The following CDH12 variants were observed in gnomAD, a reference collection of about 807,000 sequenced individuals.
CDH12 encodes cadherin-12.
Under a neutral mutation model 74.1 loss-of-function variants are expected in CDH12, and 41 were observed. That is an observed-to-expected ratio of 0.55 (90% CI 0.43 to 0.72). The LOEUF (loss-of-function observed/expected upper bound fraction) is 0.72, where lower values mean the gene tolerates loss of function less well. Among genes scored for constraint, CDH12 ranks in the 30% least tolerant of loss-of-function variants. The pLI, the probability that CDH12 is intolerant of heterozygous loss-of-function variation, is 0.00. For missense variants in CDH12, 945 were observed against 977.2 expected (o/e 0.97, Z 0.44); for synonymous variants, 399 against 355.0 (o/e 1.12, Z -1.39).
intron 1 of CDH12, among the ~76,000 whole-genome samples, chr5:22,841,428 G>C (rs915299372): frequency 6.6e-6 from 1 of 152,136 alleles, no homozygotes; most frequent in Non-Finnish European, 1.5e-5. Flanking sequence ...CATTTTGGAC[G>C]TGTGAATTTG....
chr5:22,283,369 A>G (rs1266536713), intron 3 of CDH12, among the ~76,000 whole-genome samples: 1 of 150,684 alleles, frequency 6.6e-6, no homozygotes, highest in Non-Finnish European at 1.5e-5. Flanking sequence ...TATCACATTT[A>G]TATATAGTGA....
At chr5:21,826,658 T>A (rs1323668329) in intron 8 of CDH12, among the ~76,000 whole-genome samples, 1 of 152,150 alleles carries the variant, frequency 6.6e-6, no homozygotes, top group East Asian at 1.9e-4. Context: ...GCGGGGAAAT[T>A]ACCCTTTTAG....
At chr5:22,415,165 G>C (rs2126481725) in intron 2 of CDH12, among the ~76,000 whole-genome samples, 1 of 152,028 alleles carries the variant, frequency 6.6e-6, no homozygotes, top group Non-Finnish European at 1.5e-5. Context: ...AGCTCAGGTA[G>C]TATTTTTAAA....
intron 3 of CDH12, among the ~76,000 whole-genome samples, chr5:22,337,133 T>C (rs1739620927): frequency 6.6e-6 from 1 of 152,216 alleles, no homozygotes; most frequent in Non-Finnish European, 1.5e-5. Context: ...GTAGCCCCTT[T>C]GTTTTGGCCA....
intron 4 of CDH12, among the ~76,000 whole-genome samples, chr5:22,210,834 A>T (rs1217225732): frequency 1.7e-5 from 2 of 114,542 alleles, no homozygotes; most frequent in Admixed American, 8.5e-5. Flanking sequence ...CAAGTTGCTT[A>T]AAAAAAAAAA....
chr5:22,117,502 AT>A lies in CDH12; in HGVS notation c.-186-38641del. The stretch of plus-strand genomic sequence containing the variant: ...ATTATATATATATTATATATATATA[AT>A]ATATATATAATATATATATAATATA... On this transcript the variant is annotated intron_variant, in intron 4 of 14. Coordinates refer to ENST00000382254, the MANE Select transcript of CDH12 (RefSeq NM_004061.5). 4.4e-5 allele frequency among the ~76,000 whole-genome samples: 2 copies of A among 45,688 alleles called. 1 individual carries two copies. Among genetic ancestry groups the A allele is most frequent in the African/African-American group, 1.9e-4 (2 of 10,610 alleles). The allele number at this position is 45,688 out of a possible 152,430, so 30.0% of individuals were successfully genotyped here. A position where few individuals can be genotyped will look rare whatever the true frequency, so the allele number is the denominator to read the frequency against.
At chr5:22,546,101 C>T (rs775271823) in intron 1 of CDH12, among the ~76,000 whole-genome samples, 7 of 152,030 alleles carry the variant, frequency 4.6e-5, no homozygotes, top group Admixed American at 1.3e-4. Flanking sequence ...CCCACCACCA[C>T]GCCTGGCTTA....
At chr5:22,140,217 AG>A (rs1166004491) in intron 4 of CDH12, among the ~76,000 whole-genome samples, 1 of 152,098 alleles carries the variant, frequency 6.6e-6, no homozygotes, top group Non-Finnish European at 1.5e-5. Flanking sequence ...CCTTTCTCCA[AG>A]GTATACCTAA....
At position 22,483,748 on chromosome 5, in the gene CDH12, C is replaced by CTATA. The variant is rs573933210; in HGVS notation, c.-428+21518_-428+21521dup. Among the ~76,000 whole-genome samples, 81 of 22,786 alleles carry CTATA rather than the reference C, an allele frequency of 3.6e-3. 25 individuals carry two copies. The highest frequency in any genetic ancestry group is 5.5e-3 in the East Asian group (7 of 1,284). 14.9% of individuals were successfully genotyped at this position (22,786 alleles called of 152,430 possible). ...TAGCAAGGACCTGTCTCTTTCAAAACTATATATATATATATAAATTTAATT... is the reference window on the plus strand; with the variant it reads ...TAGCAAGGACCTGTCTCTTTCAAAACTATATATATATATATATATAAATTTAATT... On this transcript the variant is annotated intron_variant, in intron 2 of 14. Coordinates refer to ENST00000382254, the MANE Select transcript of CDH12 (RefSeq NM_004061.5).
chr5:22,738,152 C>T (rs1009482081), intron 1 of CDH12, among the ~76,000 whole-genome samples: 1 of 151,872 alleles, frequency 6.6e-6, no homozygotes, highest in Non-Finnish European at 1.5e-5. Context: ...GGGGCCACAG[C>T]AAGGATCTTG....
At chr5:22,720,368 T>C (rs1743817423) in intron 1 of CDH12, among the ~76,000 whole-genome samples, 1 of 152,210 alleles carries the variant, frequency 6.6e-6, no homozygotes, top group Admixed American at 6.5e-5. Context: ...GCCATGATTG[T>C]AAGTTTCCTG....
intron 1 of CDH12, among the ~76,000 whole-genome samples, chr5:22,850,512 T>A (rs1483180593): frequency 6.6e-6 from 1 of 152,090 alleles, no homozygotes; most frequent in Non-Finnish European, 1.5e-5. Context: ...TAAAATGCAA[T>A]ATTTGTTAAA....
chr5:22,215,844 T>C (rs4276374), intron 3 of CDH12, among the ~76,000 whole-genome samples: 1,796 of 152,176 alleles, frequency 0.012, 36 homozygotes, highest in African/African-American at 0.042. Flanking sequence ...GACACATCCA[T>C]AACTTTACAG....
intron 1 of CDH12, among the ~76,000 whole-genome samples, chr5:22,561,565 G>A (rs1739050019): frequency 1.3e-5 from 2 of 151,936 alleles, no homozygotes; most frequent in African/African-American, 4.8e-5. Context: ...TGGCCTGGTG[G>A]GGATTTCACA....
At chr5:22,037,076 A>C (rs1032273995) in intron 5 of CDH12, among the ~76,000 whole-genome samples, 1 of 152,216 alleles carries the variant, frequency 6.6e-6, no homozygotes, top group South Asian at 2.1e-4. Flanking sequence ...AACATGAATA[A>C]ATCAAACATT....
At chr5:22,420,896 G>A (rs1434268523) in intron 2 of CDH12, among the ~76,000 whole-genome samples, 1 of 151,990 alleles carries the variant, frequency 6.6e-6, no homozygotes, top group Non-Finnish European at 1.5e-5. Context: ...TCTTGAAGAG[G>A]TCCTTCACAT....
In CDH12 at chr5:22,809,719, T is replaced by C. The variant is rs990031194; in HGVS notation, c.-523+43339A>G. ...GCAGAAGGTAGATATCATTTCAGGA[T>C]TGATTCTGATACTGGAAAAAAACAA... On this transcript the variant is annotated intron_variant, in intron 1 of 14. Coordinates refer to ENST00000382254, the MANE Select transcript of CDH12 (RefSeq NM_004061.5). Among the ~76,000 whole-genome samples, 55 of 152,028 alleles carry C rather than the reference T, an allele frequency of 3.6e-4. 1 individual carries two copies. Among genetic ancestry groups the C allele is most frequent in the Admixed American group, 3.2e-3 (49 of 15,258 alleles).
At chr5:22,286,342 A>G (rs988066894) in intron 3 of CDH12, among the ~76,000 whole-genome samples, 3 of 152,222 alleles carry the variant, frequency 2.0e-5, no homozygotes, top group African/African-American at 4.8e-5. Flanking sequence ...GAAAAAATAT[A>G]TATCATCTAG....
chr5:21,990,502 G>A (rs1757698441), intron 5 of CDH12, among the ~76,000 whole-genome samples: 1 of 151,808 alleles, frequency 6.6e-6, no homozygotes, highest in South Asian at 2.1e-4. Flanking sequence ...GGAGAATACT[G>A]TAGAGAATTT....
Sources: gnomAD v4.1 joint callset for allele counts (sites outside exome capture counted in the v4.1 genomes callset) on GRCh38, gnomAD v4.1.1 for gene constraint, MANE v1.5 for transcripts, NCBI Gene and HGNC (gene_info 2026-07-23, HGNC 2026-07-21) for gene names.